SPATA6L: variants seen among roughly 807,000 people sequenced by gnomAD.
The protein encoded by SPATA6L is spermatogenesis associated 6 like, also known as spermatogenesis associated 6-like protein.
SPATA6L carries 68 observed loss-of-function variants against 49.2 expected under a neutral mutation model. The ratio of observed to expected loss-of-function variants is 1.38; its 90% CI spans 1.14 to 1.69. The LOEUF is 1.69. SPATA6L is among the 40% of genes most tolerant of loss of function. SPATA6L has a pLI of 0.00. For missense variants in SPATA6L, 668 were observed against 464.3 expected (o/e 1.44, Z -4.03); for synonymous variants, 198 against 165.7 (o/e 1.19, Z -1.50).
chr9:4,603,481 G>A lies in SPATA6L; in HGVS notation c.*1+698C>T, dbSNP rs76042983. ...TTACTGAGCAGCAACCATTGTGGAG[G>A]GTCAGGTGATACAGAGACAGCAGCA... On this transcript the variant is annotated intron_variant, in intron 11 of 11. Transcript: ENST00000682582. 7.9e-3 allele frequency among the ~76,000 whole-genome samples: 1,201 copies of A among 152,236 alleles called. 19 individuals are homozygous for A. Among genetic ancestry groups the A allele is most frequent in the African/African-American group, 0.028 (1,160 of 41,518 alleles).
rs145455924 is a variant in SPATA6L, at chr9:4,625,876, AGAGG to A, written c.430-314_430-311del. On this transcript the variant is annotated intron_variant, in intron 5 of 11. Coordinates refer to ENST00000682582, the MANE Select transcript of SPATA6L (RefSeq NM_001353486.2). ...ATAGATAATAGAGAATTTGACACATAGAGGGGTCTAGCAATTTCACTTCCAGGAA... is the reference window on the plus strand; with the variant it reads ...ATAGATAATAGAGAATTTGACACATAGGTCTAGCAATTTCACTTCCAGGAA... The A allele has an allele frequency of 3.6e-4, 68 of 189,430 alleles. No homozygotes were observed. In the East Asian group the frequency reaches 8.9e-3, roughly 25 times the overall value. The allele number at this position is 189,430 out of a possible 1,614,324, so 11.7% of individuals were successfully genotyped here. A position where few individuals can be genotyped will look rare whatever the true frequency, so the allele number is the denominator to read the frequency against.
chr9:4,634,435 A>G (rs1299986039), intron 4 of SPATA6L, among the ~76,000 whole-genome samples: 2 of 152,180 alleles, frequency 1.3e-5, no homozygotes, highest in African/African-American at 4.8e-5. Context: ...ACAACCTTTA[A>G]TGAATGCTTG....
intron 3 of SPATA6L, among the ~76,000 whole-genome samples, chr9:4,648,585 A>G (rs1054916917): frequency 1.3e-4 from 19 of 151,962 alleles, no homozygotes; most frequent in African/African-American, 4.6e-4. Context: ...CTGTGGTCCC[A>G]GCTACGCGGG....
chr9:4,615,148 G>A (rs1587066412), intron 9 of SPATA6L, among the ~76,000 whole-genome samples: 1 of 152,064 alleles, frequency 6.6e-6, no homozygotes, highest in Non-Finnish European at 1.5e-5. Flanking sequence ...CCACATGAAA[G>A]CATCACCTCC....
chr9:4,638,076 G>A (rs1833164916), intron 3 of SPATA6L, among the ~76,000 whole-genome samples: 1 of 152,176 alleles, frequency 6.6e-6, no homozygotes, highest in South Asian at 2.1e-4. Flanking sequence ...CCCTCCAGGA[G>A]CTTACAGTCT....
In SPATA6L at chr9:4,604,260, T is replaced by C; in HGVS notation, c.1099A>G (p.Thr367Ala). ...AQLHQNKEDS[T>A]SEVNYIIERP... Reference sequence around the variant, plus strand: ...TCAATGATATAATTTACTTCAGAGGTAGAATCTTCCTACAATAAAAACAAA... The same window carrying C: ...TCAATGATATAATTTACTTCAGAGGCAGAATCTTCCTACAATAAAAACAAA... The change falls in exon 11 of 12, where the codon ACC becomes GCC. Residue 367 changes from threonine (T) to alanine (A), a missense_variant. By Grantham distance (58) the Thr-to-Ala change is moderately conservative. Coordinates refer to ENST00000682582, the MANE Select transcript of SPATA6L (RefSeq NM_001353486.2). The C allele has an allele frequency of 1.9e-6, 3 of 1,604,956 alleles. No individual in the cohort carries two copies. The highest frequency in any genetic ancestry group is 2.2e-5 in the East Asian group (1 of 44,848).
At chr9:4,644,234 G>C (rs1009365544) in intron 3 of SPATA6L, among the ~76,000 whole-genome samples, 4 of 145,346 alleles carry the variant, frequency 2.8e-5, no homozygotes, top group Admixed American at 1.4e-4. Flanking sequence ...GCTGGGCATG[G>C]TGCATGCCTG....
At chr9:4,660,802 C>A (rs574032419) in intron 2 of SPATA6L, among the ~76,000 whole-genome samples, 1 of 152,188 alleles carries the variant, frequency 6.6e-6, no homozygotes, top group Admixed American at 6.5e-5. Context: ...CAGTGATAGA[C>A]TGGATTAAGA....
chr9:4,614,141 C>G lies in SPATA6L; in HGVS notation c.995+3782G>C, dbSNP rs1474060942. Among the ~76,000 whole-genome samples, 5 of 152,184 alleles carry G rather than the reference C, an allele frequency of 3.3e-5. No individual in the cohort carries two copies. In the East Asian group the frequency reaches 9.6e-4, roughly 29 times the overall value. ...ACCACAGCCTTCTCCATGGGATCTA[C>G]CTTCTCCTCGAGTCATGTGGAGAGA... On this transcript the variant is annotated intron_variant, in intron 9 of 11. Coordinates refer to ENST00000682582, the MANE Select transcript of SPATA6L (RefSeq NM_001353486.2).
intron 2 of SPATA6L, among the ~76,000 whole-genome samples, chr9:4,656,575 T>C (rs1838278190): frequency 6.6e-6 from 1 of 152,190 alleles, no homozygotes; most frequent in South Asian, 2.1e-4. Context: ...CATTTTAGAA[T>C]TCAGCAGATG....
chr9:4,654,184 C>A (rs1005578976), intron 3 of SPATA6L, among the ~76,000 whole-genome samples: 1 of 152,184 alleles, frequency 6.6e-6, no homozygotes, highest in African/African-American at 2.4e-5. Flanking sequence ...AAATGGAACC[C>A]TCATACATTG....
At chr9:4,611,105 C>T (rs1254986424) in intron 9 of SPATA6L, among the ~76,000 whole-genome samples, 1 of 149,412 alleles carries the variant, frequency 6.7e-6, no homozygotes, top group Non-Finnish European at 1.5e-5. Context: ...GAGATACCAT[C>T]TCACACCAGT....
At chr9:4,605,101 T>A (rs546658064) in intron 10 of SPATA6L, among the ~76,000 whole-genome samples, 1 of 152,216 alleles carries the variant, frequency 6.6e-6, no homozygotes, top group African/African-American at 2.4e-5. Flanking sequence ...CCAAATTAGC[T>A]GCTACTCCTC....
rs185754356 is a variant in SPATA6L, at chr9:4,620,267, C to T, written c.773-1369G>A. On this transcript the variant is annotated intron_variant, in intron 7 of 11. Coordinates refer to ENST00000682582, the MANE Select transcript of SPATA6L (RefSeq NM_001353486.2). The stretch of plus-strand genomic sequence containing the variant: ...AACATGTGGTCTCATAACCTCCTTC[C>T]TCCTGTGGCCTCATAACCCTGTGGC... Among the ~76,000 whole-genome samples the T allele has an allele frequency of 1.4e-3, 208 of 151,472 alleles. 1 individual carries two copies. The highest frequency in any genetic ancestry group is 2.2e-3 in the Non-Finnish European group (152 of 67,912).
In SPATA6L at chr9:4,599,707, T is replaced by C. The variant is rs1417630374; in HGVS notation, c.*1104A>G. Among the ~76,000 whole-genome samples, 1 of 152,208 alleles carries C rather than the reference T, an allele frequency of 6.6e-6. No homozygotes were observed. The highest frequency in any genetic ancestry group is 2.4e-5 in the African/African-American group (1 of 41,446). The stretch of plus-strand genomic sequence containing the variant: ...AGTGGAAGGGGCAAACGAGCTCCCT[T>C]GAGCCTATTTATAGGGCACTAATCT... On this transcript the variant is annotated 3_prime_UTR_variant, in exon 12 of 12. Transcript: ENST00000682582.
At chr9:4,648,188 C>T (rs112193299) in intron 3 of SPATA6L, among the ~76,000 whole-genome samples, 9 of 151,622 alleles carry the variant, frequency 5.9e-5, no homozygotes, top group South Asian at 4.2e-4. Context: ...TGTAGATTTA[C>T]GAAAAAAATT....
At chr9:4,656,803 T>C (rs57883434) in intron 2 of SPATA6L, among the ~76,000 whole-genome samples, 10,870 of 152,250 alleles carry the variant, frequency 0.071, 896 homozygotes, top group African/African-American at 0.19. Context: ...AAACATTCTG[T>C]ATACAACAGA....
intron 2 of SPATA6L, among the ~76,000 whole-genome samples, chr9:4,657,349 T>G (rs1587504231): frequency 6.6e-6 from 1 of 152,164 alleles, no homozygotes; most frequent in Non-Finnish European, 1.5e-5. Flanking sequence ...TGGGTTGAAT[T>G]GTGTCCCCCC....
chr9:4,616,759 A>G (rs1245180646), intron 9 of SPATA6L, among the ~76,000 whole-genome samples: 1 of 152,004 alleles, frequency 6.6e-6, no homozygotes, highest in Non-Finnish European at 1.5e-5. Context: ...CTAATTTTGT[A>G]TTTTTAGTAG....
Sources: gnomAD v4.1 joint callset for allele counts (sites outside exome capture counted in the v4.1 genomes callset) on GRCh38, gnomAD v4.1.1 for gene constraint, MANE v1.5 for transcripts, NCBI Gene and HGNC (gene_info 2026-07-23, HGNC 2026-07-21) for gene names.